Variants in EYA2 observed in about 807,000 individuals in gnomAD.
The protein encoded by EYA2 is protein phosphatase EYA2.
A neutral mutation model predicts 69.2 loss-of-function variants in EYA2; 31 were observed. The observed-to-expected ratio is 0.45, with a 90% confidence interval of 0.34 to 0.60. The LOEUF is 0.60. EYA2 is among the 20% of genes least tolerant of loss of function. The pLI, the probability that EYA2 is intolerant of heterozygous loss-of-function variation, is 0.02. For missense variants in EYA2, 622 were observed against 701.2 expected (o/e 0.89, Z 1.28); for synonymous variants, 257 against 279.4 (o/e 0.92, Z 0.80).
chr20:47,101,287 G>A (rs564982602), intron 9 of EYA2, among the ~76,000 whole-genome samples: 1 of 152,172 alleles, frequency 6.6e-6, no homozygotes, highest in East Asian at 1.9e-4. Context: ...GGATCTCACT[G>A]TGTTGCCCAG....
chr20:46,984,323 G>A (rs1150449), intron 1 of EYA2, among the ~76,000 whole-genome samples: 56 of 151,838 alleles, frequency 3.7e-4, no homozygotes, highest in African/African-American at 1.2e-3. Context: ...GAAATTTACA[G>A]CATTCGAAAA....
chr20:47,098,768 T>C (rs1258747525), intron 9 of EYA2, among the ~76,000 whole-genome samples: 1 of 152,060 alleles, frequency 6.6e-6, no homozygotes, highest in African/African-American at 2.4e-5. Context: ...TACATTGGAG[T>C]CATCCTGAAA....
At chr20:46,967,804 G>T (rs963419119) in intron 1 of EYA2, among the ~76,000 whole-genome samples, 1 of 152,200 alleles carries the variant, frequency 6.6e-6, no homozygotes, top group African/African-American at 2.4e-5. Flanking sequence ...GACAGCTGCT[G>T]CTTGCAGTTA....
At position 47,156,693 on chromosome 20, in the gene EYA2, T is replaced by TTAGCGCTCTTAAGATA. The variant is rs2033959005; in HGVS notation, c.979-12445_979-12430dup. On this transcript the variant is annotated intron_variant, in intron 10 of 15. Transcript: ENST00000327619. ...TAATACAATTCAGGCCACAGCCTCT[T>TTAGCGCTCTTAAGATA]TAGCGCTCTTAAGATAAGTTAAACA... Among the ~76,000 whole-genome samples the TTAGCGCTCTTAAGATA allele has an allele frequency of 2.0e-5, 3 of 152,056 alleles. No homozygotes were observed. In the South Asian group the frequency reaches 6.3e-4, roughly 32 times the overall value.
intron 4 of EYA2, among the ~76,000 whole-genome samples, chr20:47,010,274 G>A (rs1218370401): frequency 6.6e-6 from 1 of 152,170 alleles, no homozygotes; most frequent in Non-Finnish European, 1.5e-5. Context: ...TTATTTCTGT[G>A]GGCTGGCCAG....
chr20:47,117,059 C>A (rs1202020647), intron 9 of EYA2, among the ~76,000 whole-genome samples: 2 of 141,122 alleles, frequency 1.4e-5, no homozygotes, highest in Non-Finnish European at 3.0e-5. Context: ...TGCGGTAGTG[C>A]AGTGGTGTAG....
intron 1 of EYA2, among the ~76,000 whole-genome samples, chr20:46,959,589 T>G (rs142483246): frequency 1.2e-4 from 19 of 152,330 alleles, no homozygotes; most frequent in African/African-American, 4.6e-4. Flanking sequence ...TCCTCCTGCA[T>G]CACTCTGCCG....
chr20:46,995,244 A>G (rs1044390742), intron 2 of EYA2, among the ~76,000 whole-genome samples: 4 of 152,242 alleles, frequency 2.6e-5, no homozygotes, highest in Non-Finnish European at 5.9e-5. Context: ...ATTCATTTTA[A>G]AAGGATGACT....
intron 8 of EYA2, among the ~76,000 whole-genome samples, chr20:47,096,329 G>C (rs902039677): frequency 3.9e-5 from 6 of 152,138 alleles, no homozygotes; most frequent in African/African-American, 1.4e-4. Flanking sequence ...AATTGACATA[G>C]GCAGAGTGCA....
At chr20:46,956,874 C>T (rs971847688) in intron 1 of EYA2, among the ~76,000 whole-genome samples, 4 of 152,202 alleles carry the variant, frequency 2.6e-5, no homozygotes, top group African/African-American at 9.7e-5. Context: ...TACATGGCAG[C>T]AGGCAAAAGA....
intron 9 of EYA2, among the ~76,000 whole-genome samples, chr20:47,135,818 C>CAAAAAAAAAAAAAAAA (rs1201324879): frequency 1.5e-3 from 50 of 33,216 alleles, no homozygotes; most frequent in Non-Finnish European, 2.3e-3. Flanking sequence ...CCTGTCTCTA[C>CAAAAAAAAAAAAAAAA]AAAAAAAAAA....
intron 1 of EYA2, among the ~76,000 whole-genome samples, chr20:46,978,020 C>T (rs1010771845): frequency 6.6e-6 from 1 of 152,200 alleles, no homozygotes; most frequent in Non-Finnish European, 1.5e-5. Flanking sequence ...AAACAAAAGG[C>T]AGTCTGCAGT....
intron 1 of EYA2, among the ~76,000 whole-genome samples, chr20:46,944,540 T>C (rs1978343806): frequency 6.6e-6 from 1 of 150,810 alleles, no homozygotes; most frequent in Non-Finnish European, 1.5e-5. Flanking sequence ...TTCAGGGCAC[T>C]TTCTGAACCT....
intron 1 of EYA2, among the ~76,000 whole-genome samples, chr20:46,908,908 A>C (rs1435709597): frequency 2.5e-4 from 9 of 36,004 alleles, no homozygotes; most frequent in African/African-American, 2.8e-4. Flanking sequence ...TTTTTTTTTT[A>C]CCAATTCCTG....
chr20:47,161,110 C>T (rs3092429), intron 10 of EYA2: 66,302 of 318,666 alleles, frequency 0.21, 8,405 homozygotes, highest in African/African-American at 0.42. Flanking sequence ...GCATGGGGAC[C>T]GAGATGATGC....
At chr20:47,089,175 A>G (rs1257304967) in intron 7 of EYA2, 64 bp from the exon 8 acceptor site, 21 of 1,583,566 alleles carry the variant, frequency 1.3e-5, no homozygotes, top group Non-Finnish European at 1.6e-5. Flanking sequence ...CTGTTGGGAT[A>G]TTTCCCAGGA....
intron 8 of EYA2, among the ~76,000 whole-genome samples, chr20:47,090,003 A>G (rs933729822): frequency 6.6e-6 from 1 of 151,980 alleles, no homozygotes; most frequent in Non-Finnish European, 1.5e-5. Context: ...GTGTGCCTCT[A>G]TTTCTGGGAT....
chr20:46,927,005 C>T (rs6124897), intron 1 of EYA2, among the ~76,000 whole-genome samples: 17,535 of 152,128 alleles, frequency 0.12, 1,476 homozygotes, highest in East Asian at 0.48. Context: ...GAGGATGGCC[C>T]AGCAGGCATG....
chr20:46,921,324 A>G (rs1168839363), intron 1 of EYA2, among the ~76,000 whole-genome samples: 1 of 152,222 alleles, frequency 6.6e-6, no homozygotes, highest in African/African-American at 2.4e-5. Flanking sequence ...CTTGCATAGT[A>G]TATTACAGTT....
Sources: allele counts gnomAD v4.1 joint callset (sites outside exome capture counted in the v4.1 genomes callset), GRCh38; gene constraint gnomAD v4.1.1; transcripts MANE v1.5; gene names NCBI Gene and HGNC (gene_info 2026-07-23, HGNC 2026-07-21).